Variants in COQ9 observed in about 807,000 individuals in gnomAD.
COQ9 encodes coenzyme Q9.
In COQ9, 35 loss-of-function variants were observed where a neutral mutation model predicts 42.4. That is an observed-to-expected ratio of 0.83 (90% CI 0.63 to 1.10). COQ9 has a LOEUF of 1.10. Among genes scored for constraint, COQ9 ranks in the 50% least tolerant of loss-of-function variants. The probability of loss-of-function intolerance (pLI) is 0.00; values close to 1 mark genes in which losing one functional copy is unlikely to be tolerated. For synonymous variants in COQ9, 155 were observed against 155.1 expected (o/e 1.00, Z 0.00); for missense variants, 406 against 414.6 (o/e 0.98, Z 0.18).
In COQ9 at chr16:57,457,021, A is replaced by G. The variant is rs2030420556; in HGVS notation, c.606+6A>G. On this transcript the variant is annotated splice_donor_region_variant and intron_variant, in intron 5 of 8. Transcript: ENST00000262507. ...ACATTGAGCACTGGCCCCGGGTACC[A>G]AGTCTATATCCAGGCCCCAGAGCAA... The G allele has an allele frequency of 6.2e-7, 1 of 1,606,544 alleles. No homozygotes were observed. The highest frequency in any genetic ancestry group is 1.1e-5 in the South Asian group (1 of 90,930).
In COQ9 at chr16:57,460,051, G is replaced by A. The variant is rs1334756144; in HGVS notation, c.868G>A (p.Val290Ile). 4 of 1,614,044 alleles carry A rather than the reference G, an allele frequency of 2.5e-6. No homozygotes were observed. The South Asian group carries it at 3.3e-5, about 13-fold the overall frequency. ...GGAACCTGACACTGACTCCTTCTAG[G>A]TAAAGTCCACAGGAGAGGCACTGGT... ...AMNMGHTAKQ[V>I]KSTGEALVQG... Residue 290 changes from valine (V) to isoleucine (I), a missense_variant and splice_region_variant, in exon 8 of 9, where the codon GTA (valine) becomes ATA (isoleucine). Coordinates refer to ENST00000262507, the MANE Select transcript of COQ9 (RefSeq NM_020312.4).
Position 57,457,018 on chromosome 16 carries a change from A to G in COQ9, c.606+3A>G, listed in dbSNP as rs764504938. Reference sequence around the variant, plus strand: ...CATACATTGAGCACTGGCCCCGGGTACCAAGTCTATATCCAGGCCCCAGAG... The same window carrying G: ...CATACATTGAGCACTGGCCCCGGGTGCCAAGTCTATATCCAGGCCCCAGAG... On this transcript the variant is annotated splice_donor_region_variant and intron_variant, in intron 5 of 8. Coordinates refer to ENST00000262507, the MANE Select transcript of COQ9 (RefSeq NM_020312.4). 3.1e-6 allele frequency: 5 copies of G among 1,609,502 alleles called. No individual in the cohort carries two copies. The Admixed American group carries it at 6.7e-5, about 21-fold the overall frequency.
intron 3 of COQ9, among the ~76,000 whole-genome samples, chr16:57,456,002 A>G (rs1477595530): frequency 2.0e-5 from 3 of 152,104 alleles, no homozygotes; most frequent in African/African-American, 7.2e-5. Context: ...CAGGAGGTCA[A>G]GGCCTCAGTC....
intron 3 of COQ9, 51 bp downstream of exon 3, chr16:57,452,987 G>A: frequency 8.1e-6 from 13 of 1,611,336 alleles, no homozygotes; most frequent in Non-Finnish European, 1.0e-5. Context: ...CCAGGATGGA[G>A]TCACACCAGG....
chr16:57,460,490 G>GA (rs373854892), intron 8 of COQ9, 99 bp from the exon 9 acceptor site: 58,136 of 843,506 alleles, frequency 0.069, 8 homozygotes, highest in East Asian at 0.084. Context: ...ATGCAAAAAA[G>GA]AAAAAAAAAA....
intron 3 of COQ9, chr16:57,453,726 G>A (rs2030341109): frequency 6.6e-6 from 1 of 152,438 alleles, no homozygotes; most frequent in Non-Finnish European, 1.5e-5. Flanking sequence ...TGACTCCACT[G>A]TAGGCTCATT....
In COQ9 at chr16:57,460,762, C is replaced by T. The variant is rs1466992150; in HGVS notation, c.*138C>T. On this transcript the variant is annotated 3_prime_UTR_variant, in exon 9 of 9. Coordinates refer to ENST00000262507, the MANE Select transcript of COQ9 (RefSeq NM_020312.4). Reference sequence around the variant, plus strand: ...AAGGACTCCTGAGTCACTACCACAGCCACCTGGAAACCACAAGGCATTTGA... The same window carrying T: ...AAGGACTCCTGAGTCACTACCACAGTCACCTGGAAACCACAAGGCATTTGA... 1.3e-6 allele frequency: 1 copy of T among 795,822 alleles called. No individual in the cohort carries two copies. The highest frequency in any genetic ancestry group is 1.7e-5 in the African/African-American group (1 of 58,096). The allele number at this position is 795,822 out of a possible 1,614,324, so 49.3% of individuals were successfully genotyped here.
rs267606751 is a variant in COQ9 at position 57,459,583 on chromosome 16, C to T, written c.730C>T (p.Arg244Ter). 56 of 1,614,030 alleles carry T rather than the reference C, an allele frequency of 3.5e-5. No individual in the cohort carries two copies. The highest frequency in any genetic ancestry group is 4.4e-5 in the South Asian group (4 of 91,084). The part of the protein sequence containing the change: ...QSTDFNWYTR[R>*]AMLAAIYNTT... Reference sequence around the variant, plus strand: ...TTTACAGTTTAACTGGTACACCCGCCGAGCCATGCTGGCTGCCATCTACAA... The same window carrying T: ...TTTACAGTTTAACTGGTACACCCGCTGAGCCATGCTGGCTGCCATCTACAA... Residue 244 changes from arginine (R) to a stop codon, truncating the protein, a stop_gained, in exon 7 of 9, where the codon CGA (arginine) becomes TGA (stop). Coordinates refer to ENST00000262507, the MANE Select transcript of COQ9 (RefSeq NM_020312.4). LOFTEE classifies it high-confidence loss of function.
At chr16:57,454,748 T>G (rs1329726635) in intron 3 of COQ9, among the ~76,000 whole-genome samples, 2 of 151,840 alleles carry the variant, frequency 1.3e-5, no homozygotes, top group African/African-American at 4.8e-5. Flanking sequence ...ACTTTGTGGG[T>G]AGGAGATGGA....
In COQ9 at chr16:57,459,605, A is replaced by G. The variant is rs779014371; in HGVS notation, c.752A>G (p.Tyr251Cys). ...YTRRAMLAAI[Y>C]NTTELVMMQD... ...CGCCGAGCCATGCTGGCTGCCATCT[A>G]CAACACAACAGAGCTGGTGATGATG... is the stretch of plus-strand genomic sequence containing the variant. The change falls in exon 7 of 9, where the codon TAC (tyrosine) becomes TGC (cysteine). Residue 251 changes from tyrosine to cysteine, a missense_variant. Physicochemically the swap from Tyr to Cys is radical, Grantham distance 194. Transcript: ENST00000262507. 1.1e-5 allele frequency: 18 copies of G among 1,614,194 alleles called. No homozygotes were observed. In the South Asian group the frequency reaches 1.6e-4, roughly 15 times the overall value.
chr16:57,453,942 A>G (rs1567579051), intron 3 of COQ9: 1 of 152,258 alleles, frequency 6.6e-6, no homozygotes, highest in Non-Finnish European at 1.5e-5. Context: ...AAAGTGGTCA[A>G]GATGGATCTG....
At chr16:57,452,673 G>T in intron 2 of COQ9, 128 bp from the exon 3 acceptor site, 2 of 1,150,612 alleles carry the variant, frequency 1.7e-6, no homozygotes, top group South Asian at 2.5e-5. Flanking sequence ...AAACCACATT[G>T]ATAGTGACAC....
intron 1 of COQ9, among the ~76,000 whole-genome samples, chr16:57,449,770 A>G (rs532388218): frequency 6.6e-6 from 1 of 152,338 alleles, no homozygotes; most frequent in Admixed American, 6.5e-5. Flanking sequence ...AAAATTCAGA[A>G]CAGTATGAAT....
rs902712552 is a variant in COQ9, at chr16:57,461,026, G to A, written c.*402G>A. 1.6e-5 allele frequency: 6 copies of A among 371,952 alleles called. No individual in the cohort carries two copies. Among genetic ancestry groups the A allele is most frequent in the African/African-American group, 1.1e-4 (5 of 47,270 alleles). 23.0% of individuals were successfully genotyped at this position (371,952 alleles called of 1,614,324 possible). A position where few individuals can be genotyped will look rare whatever the true frequency, so the allele number is the denominator to read the frequency against. On this transcript the variant is annotated 3_prime_UTR_variant, in exon 9 of 9. Coordinates refer to ENST00000262507, the MANE Select transcript of COQ9 (RefSeq NM_020312.4). ...AGTCAAGGTCTGACGCCACCTCAAG[G>A]TGACAGCTCATCTCCAGCACAGCAC... is the stretch of plus-strand genomic sequence containing the variant.
rs1050034777 is a variant in COQ9, at chr16:57,459,839, G to A, written c.867+119G>A. The stretch of plus-strand genomic sequence containing the variant: ...GACAGTCCTGAGGGCCTTCCCAAGG[G>A]CCTGGCTGGTTCTTCCTCAGGCCAG... On this transcript the variant is annotated intron_variant, in intron 7 of 8. Transcript: ENST00000262507. The A allele has an allele frequency of 2.4e-6, 3 of 1,254,260 alleles. No homozygotes were observed. The African/African-American group carries it at 4.4e-5, about 18-fold the overall frequency. 77.7% of individuals were successfully genotyped at this position (1,254,260 alleles called of 1,614,324 possible).
intron 2 of COQ9, among the ~76,000 whole-genome samples, chr16:57,451,798 T>G (rs2030294668): frequency 6.6e-6 from 1 of 152,240 alleles, no homozygotes; most frequent in South Asian, 2.1e-4. Flanking sequence ...GTGCCAAAAT[T>G]TATTTAACCT....
intron 2 of COQ9, among the ~76,000 whole-genome samples, chr16:57,451,419 G>T (rs770648898): frequency 1.3e-5 from 2 of 152,056 alleles, no homozygotes; most frequent in African/African-American, 4.8e-5. Context: ...GCTGTCCTCC[G>T]CCTAGATCTC....
At chr16:57,456,206 G>A (rs758262263) in intron 3 of COQ9, among the ~76,000 whole-genome samples, 7 of 152,214 alleles carry the variant, frequency 4.6e-5, no homozygotes, top group Non-Finnish European at 1.0e-4. Context: ...TAGGTGCAAA[G>A]TTGGAGAAAG....
rs536567108 is a variant in COQ9 at position 57,447,531 on chromosome 16, C to G, written c.26C>G (p.Ala9Gly). The change falls in exon 1 of 9, where the codon GCG becomes GGG. Residue 9 changes from alanine (A) to glycine (G), a missense_variant. Transcript: ENST00000262507. MAAAAVSG[A>G]LGRAGWRLLQ... Reference sequence around the variant, plus strand: ...ATGGCGGCGGCGGCGGTATCTGGTGCGCTTGGCCGGGCGGGCTGGAGGCTC... The same window carrying G: ...ATGGCGGCGGCGGCGGTATCTGGTGGGCTTGGCCGGGCGGGCTGGAGGCTC... 2 of 1,308,772 alleles carry G rather than the reference C, an allele frequency of 1.5e-6. No homozygotes were observed. Among genetic ancestry groups the G allele is most frequent in the African/African-American group, 3.1e-5 (2 of 65,310 alleles). 81.1% of individuals were successfully genotyped at this position (1,308,772 alleles called of 1,614,324 possible).
Sources: allele counts gnomAD v4.1 joint callset (sites outside exome capture counted in the v4.1 genomes callset), GRCh38; gene constraint gnomAD v4.1.1; transcripts MANE v1.5; gene names NCBI Gene and HGNC (gene_info 2026-07-23, HGNC 2026-07-21).